The following ITPRID1 variants were observed in gnomAD, a reference collection of about 807,000 sequenced individuals.
ITPRID1 encodes ITPR interacting domain containing 1.
Under a neutral mutation model 95.4 loss-of-function variants are expected in ITPRID1, and 96 were observed. The observed-to-expected ratio is 1.01, with a 90% CI of 0.85 to 1.19. ITPRID1 has a LOEUF of 1.19. ITPRID1 is among the 50% of genes most tolerant of loss of function. ITPRID1 has a pLI of 0.00. For missense variants in ITPRID1, 1,339 were observed against 1,252.9 expected (o/e 1.07, Z -1.04); for synonymous variants, 510 against 453.6 (o/e 1.12, Z -1.58).
chr7:31,562,143 T>G (rs1043255210), intron 5 of ITPRID1, among the ~76,000 whole-genome samples: 16 of 150,824 alleles, frequency 1.1e-4, no homozygotes, highest in Non-Finnish European at 3.0e-5. Context: ...CAGTGCTATC[T>G]GGCTGAGATA....
chr7:31,594,720 G>C (rs1033608139), intron 10 of ITPRID1, among the ~76,000 whole-genome samples: 1 of 152,086 alleles, frequency 6.6e-6, no homozygotes. Flanking sequence ...AGCTGTGTGT[G>C]GTGGTGCACG....
At chr7:31,633,614 A>G (rs982108048) in intron 10 of ITPRID1, among the ~76,000 whole-genome samples, 2 of 152,190 alleles carry the variant, frequency 1.3e-5, no homozygotes, top group African/African-American at 4.8e-5. Flanking sequence ...TGTTTCACAT[A>G]TTTATGCCAC....
At chr7:31,544,999 C>G (rs1279767790) in intron 1 of ITPRID1, among the ~76,000 whole-genome samples, 1 of 152,056 alleles carries the variant, frequency 6.6e-6, no homozygotes, top group Non-Finnish European at 1.5e-5. Flanking sequence ...TGGTCATTGC[C>G]TTCCAGGAGT....
At chr7:31,577,728 C>T (rs1414095135) in intron 8 of ITPRID1, 135 bp from the exon 9 acceptor site, 2 of 671,986 alleles carry the variant, frequency 3.0e-6, no homozygotes, top group Non-Finnish European at 2.5e-6. Context: ...CTGAGAAAAA[C>T]TTGAGTTTCA....
Position 31,583,114 on chromosome 7 carries a change from G to A in ITPRID1, c.1171-20G>A, listed in dbSNP as rs767030325. On this transcript the variant is annotated intron_variant, in intron 9 of 14. Coordinates refer to ENST00000615280, the MANE Select transcript of ITPRID1 (RefSeq NM_001257967.3). Reference sequence around the variant, plus strand: ...ATTTGACAAAATTTCTAATGACATTGATGCATTTTGATATCTTAGGTCCAA... The same window carrying A: ...ATTTGACAAAATTTCTAATGACATTAATGCATTTTGATATCTTAGGTCCAA... 1 of 1,579,150 alleles carries A rather than the reference G, an allele frequency of 6.3e-7. No homozygotes were observed. Among genetic ancestry groups the A allele is most frequent in the Non-Finnish European group, 8.7e-7 (1 of 1,150,980 alleles).
At chr7:31,628,351 C>T (rs192242147) in intron 10 of ITPRID1, among the ~76,000 whole-genome samples, 20 of 152,170 alleles carry the variant, frequency 1.3e-4, no homozygotes, top group African/African-American at 4.1e-4. Flanking sequence ...CAACAAACGA[C>T]TGGTCTCCCT....
downstream of ITPRID1, among the ~76,000 whole-genome samples, chr7:31,656,959 C>T (rs780774433): frequency 8.0e-5 from 12 of 149,630 alleles, no homozygotes; most frequent in Non-Finnish European, 1.5e-4. Flanking sequence ...CCTCCAAATA[C>T]CACCCCCGAT....
intron 1 of ITPRID1, among the ~76,000 whole-genome samples, chr7:31,527,852 T>C (rs2128129138): frequency 6.6e-6 from 1 of 152,274 alleles, no homozygotes. Context: ...ATTTTAACTA[T>C]CTCTTTATCA....
At chr7:31,557,426 G>A (rs1784485255) in intron 5 of ITPRID1, among the ~76,000 whole-genome samples, 1 of 152,050 alleles carries the variant, frequency 6.6e-6, no homozygotes, top group Non-Finnish European at 1.5e-5. Context: ...CCTGTTCCTG[G>A]TTTCCTGTTG....
intron 10 of ITPRID1, among the ~76,000 whole-genome samples, chr7:31,617,852 A>G (rs901501318): frequency 6.6e-6 from 1 of 152,238 alleles, no homozygotes; most frequent in African/African-American, 2.4e-5. Flanking sequence ...CATTTGACCT[A>G]TTAAGAAGAG....
intron 1 of ITPRID1, among the ~76,000 whole-genome samples, chr7:31,519,614 C>A (rs867526888): frequency 0.017 from 728 of 42,890 alleles, 7 homozygotes; most frequent in African/African-American, 0.045. Context: ...CTCTCTCTCT[C>A]TCTCTCTATA....
intron 2 of ITPRID1, among the ~76,000 whole-genome samples, chr7:31,550,172 T>G (rs553705431): frequency 6.6e-6 from 1 of 151,532 alleles, no homozygotes; most frequent in East Asian, 1.9e-4. Context: ...AAAATTGAGT[T>G]CTTAGTGCAT....
At chr7:31,585,264 G>A (rs946689640) in intron 10 of ITPRID1, among the ~76,000 whole-genome samples, 7 of 152,082 alleles carry the variant, frequency 4.6e-5, no homozygotes, top group African/African-American at 1.7e-4. Context: ...TTTAAAATTC[G>A]TTAAAAACCA....
chr7:31,643,147 C>A lies in ITPRID1; in HGVS notation c.1777C>A (p.His593Asn). 1 of 1,613,932 alleles carries A rather than the reference C, an allele frequency of 6.2e-7. No homozygotes were observed. Among genetic ancestry groups the A allele is most frequent in the Non-Finnish European group, 8.5e-7 (1 of 1,179,884 alleles). The change falls in exon 12 of 15, where the codon CAC (histidine) becomes AAC (asparagine). Residue 593 changes from histidine (H) to asparagine (N), a missense_variant. Coordinates refer to ENST00000615280, the MANE Select transcript of ITPRID1 (RefSeq NM_001257967.3). ...PEGAGKVQSH[H>N]NESQRSPGND... ...GGGAGCTGGCAAAGTGCAAAGCCAC[C>A]ACAATGAGTCTCAAAGGTCACCTGG...
chr7:31,596,525 G>A (rs1786096100), intron 10 of ITPRID1, among the ~76,000 whole-genome samples: 1 of 151,704 alleles, frequency 6.6e-6, no homozygotes, highest in African/African-American at 2.4e-5. Context: ...ATAGCTTTTA[G>A]TATAAGTTAT....
chr7:31,591,659 C>G (rs1289233544), intron 10 of ITPRID1, among the ~76,000 whole-genome samples: 1 of 152,018 alleles, frequency 6.6e-6, no homozygotes, highest in Non-Finnish European at 1.5e-5. Flanking sequence ...TTAGTAAAAC[C>G]AACAATGAAT....
chr7:31,615,313 G>A (rs1007824976), intron 10 of ITPRID1, among the ~76,000 whole-genome samples: 20 of 152,170 alleles, frequency 1.3e-4, no homozygotes, highest in Admixed American at 7.9e-4. Context: ...TGTAATCTAC[G>A]GTAAGTTATT....
chr7:31,645,606 CCCA>C (rs1330238764), intron 12 of ITPRID1, among the ~76,000 whole-genome samples: 1 of 152,074 alleles, frequency 6.6e-6, no homozygotes, highest in Non-Finnish European at 1.5e-5. Flanking sequence ...ATCACCACCA[CCCA>C]CCACCACCAT....
At position 31,651,163 on chromosome 7, in the gene ITPRID1, G is replaced by A. The variant is rs1458568977; in HGVS notation, c.2605G>A (p.Ala869Thr). The change falls in exon 13 of 15, where the codon GCC becomes ACC. Residue 869 changes from alanine to threonine, a missense_variant. Physicochemically the swap from Ala to Thr is moderately conservative, Grantham distance 58. Transcript: ENST00000615280. The stretch of plus-strand genomic sequence containing the variant: ...TCAGTGCACAGTCCATGAGATGGAA[G>A]CCATGAAGACGATATGCCAAAGTTT... Reference protein sequence around the residue: ...LCSCTVHEMEAMKTICQSFRE... With the variant: ...LCSCTVHEMETMKTICQSFRE... The A allele has an allele frequency of 6.2e-7, 1 of 1,613,446 alleles. No homozygotes were observed. Among genetic ancestry groups the A allele is most frequent in the Admixed American group, 1.7e-5 (1 of 60,008 alleles).
Sources: gnomAD v4.1 joint callset for allele counts (sites outside exome capture counted in the v4.1 genomes callset) on GRCh38, gnomAD v4.1.1 for gene constraint, MANE v1.5 for transcripts, NCBI Gene and HGNC (gene_info 2026-07-23, HGNC 2026-07-21) for gene names.